Variants in ATM observed in about 807,000 individuals in gnomAD.
The protein encoded by ATM is ATM serine/threonine kinase.
Under a neutral mutation model 387.0 loss-of-function variants are expected in ATM, and 308 were observed. The ratio of observed to expected loss-of-function variants is 0.80; its 90% CI spans 0.73 to 0.87. The LOEUF (loss-of-function observed/expected upper bound fraction) is 0.87. Ranked by LOEUF, ATM falls within the 40% of genes least tolerant of loss-of-function variation. The probability of loss-of-function intolerance (pLI) is 0.00; values close to 1 mark genes in which losing one functional copy is unlikely to be tolerated. For missense variants in ATM, 3,312 were observed against 3,560.9 expected (o/e 0.93, Z 1.78); for synonymous variants, 1,156 against 1,187.3 (o/e 0.97, Z 0.54).
chr11:108,283,365 C>T (rs1376508507), intron 25 of ATM, among the ~76,000 whole-genome samples: 1 of 152,006 alleles, frequency 6.6e-6, no homozygotes, highest in Non-Finnish European at 1.5e-5. Flanking sequence ...AACTTTAACT[C>T]TGTAGAAGAA....
At position 108,268,602 on chromosome 11, in the gene ATM, T is replaced by G. The variant is rs565886680; in HGVS notation, c.2831T>G (p.Leu944Arg). Reference protein sequence around the residue: ...STLEPTKSLHLHMYLMLLKEL... With the variant: ...STLEPTKSLHRHMYLMLLKEL... ...CTAGAACCTACCAAATCCCTCCACCTGCATATGGTGAGTTACGTTAAATGA... is the reference window on the plus strand; with the variant it reads ...CTAGAACCTACCAAATCCCTCCACCGGCATATGGTGAGTTACGTTAAATGA... Residue 944 changes from leucine (L) to arginine (R), a missense_variant, in exon 18 of 63, where the codon CTG becomes CGG. Leu to Arg is a moderately radical substitution (Grantham distance 102). This residue lies in a region of ATM where 1,791 missense variants were observed against 1,804.5 expected (regional missense o/e 0.99). Transcript: ENST00000675843. 1.2e-6 allele frequency: 2 copies of G among 1,613,766 alleles called. No individual in the cohort carries two copies. Among genetic ancestry groups the G allele is most frequent in the African/African-American group, 2.7e-5 (2 of 75,058 alleles).
At chr11:108,295,608 A>C (rs996076917) in intron 32 of ATM, 1 of 154,288 alleles carries the variant, frequency 6.5e-6, no homozygotes, top group African/African-American at 2.4e-5. Context: ...AAGCATTGGG[A>C]TTAGAGGTGT....
chr11:108,359,902 C>G (rs1431642999), intron 61 of ATM, among the ~76,000 whole-genome samples: 1 of 152,024 alleles, frequency 6.6e-6, no homozygotes, highest in Non-Finnish European at 1.5e-5. Context: ...AAAGGAAGAG[C>G]AAACACATTC....
At chr11:108,350,271 G>A (rs2089022397) in intron 59 of ATM, among the ~76,000 whole-genome samples, 1 of 152,126 alleles carries the variant, frequency 6.6e-6, no homozygotes, top group Non-Finnish European at 1.5e-5. Flanking sequence ...GAGGGACAAG[G>A]GGACAAGGAG....
chr11:108,241,120 G>A (rs945813246), intron 5 of ATM, among the ~76,000 whole-genome samples: 3 of 152,128 alleles, frequency 2.0e-5, no homozygotes, highest in African/African-American at 7.2e-5. Context: ...GCCTACATAA[G>A]GTCAGGATCA....
At chr11:108,311,110 G>GCA (rs1179702719) in intron 39 of ATM, among the ~76,000 whole-genome samples, 1 of 152,026 alleles carries the variant, frequency 6.6e-6, no homozygotes, top group East Asian at 1.9e-4. Flanking sequence ...GGGACTATAG[G>GCA]CACACACCAC....
chr11:108,276,231 A>G (rs2081942125), intron 22 of ATM, among the ~76,000 whole-genome samples: 1 of 152,128 alleles, frequency 6.6e-6, no homozygotes, highest in African/African-American at 2.4e-5. Context: ...GTTCTTCTCT[A>G]CACTGATTAT....
At chr11:108,297,098 T>G (rs1393909628) in intron 32 of ATM, 189 bp from the exon 33 acceptor site, 1 of 577,654 alleles carries the variant, frequency 1.7e-6, no homozygotes, top group Non-Finnish European at 3.1e-6. Context: ...CTAATCACTT[T>G]CAAAAGAATC....
rs1342395364 is a variant in ATM, at chr11:108,353,922, C to A, written c.8786+42C>A. On this transcript the variant is annotated intron_variant, in intron 60 of 62. Transcript: ENST00000675843. ...AAAGGAGGGAAATAATTTTTGATGT[C>A]AAAATTACATGGGCTGGGCATGGTT... 1.9e-6 allele frequency: 3 copies of A among 1,538,954 alleles called. No homozygotes were observed. The South Asian group carries it at 3.4e-5, about 17-fold the overall frequency.
chr11:108,264,437 C>T (rs1335015008), intron 16 of ATM, among the ~76,000 whole-genome samples: 1 of 152,206 alleles, frequency 6.6e-6, no homozygotes, highest in Non-Finnish European at 1.5e-5. Context: ...AACAACCCTT[C>T]ATGCCAAAAA....
intron 56 of ATM, among the ~76,000 whole-genome samples, chr11:108,341,323 C>T (rs536955208): frequency 1.3e-5 from 2 of 152,152 alleles, no homozygotes; most frequent in South Asian, 2.1e-4. Context: ...GAAAGGCCTC[C>T]GACCATGTTG....
At chr11:108,286,354 CACAA>C (rs1204408925) in intron 26 of ATM, among the ~76,000 whole-genome samples, 17 of 132,026 alleles carry the variant, frequency 1.3e-4, no homozygotes, top group East Asian at 8.6e-4. Context: ...GTATAAAACA[CACAA>C]ACAAAGCAAG....
chr11:108,250,620 G>A (rs2080080926), intron 9 of ATM, 81 bp from the exon 10 acceptor site: 13 of 1,392,816 alleles, frequency 9.3e-6, no homozygotes, highest in Non-Finnish European at 1.3e-5. Context: ...GATATTGTAA[G>A]AGTACCATGT....
intron 26 of ATM, 25 bp from the exon 27 acceptor site, chr11:108,287,575 A>T (rs2082555478): frequency 2.1e-6 from 3 of 1,426,828 alleles, no homozygotes; most frequent in Non-Finnish European, 3.0e-6. Flanking sequence ...AATATTAAAT[A>T]TATTTTAATT....
intron 61 of ATM, among the ~76,000 whole-genome samples, chr11:108,359,173 C>G (rs2090404468): frequency 6.6e-6 from 1 of 150,986 alleles, no homozygotes; most frequent in Admixed American, 6.6e-5. Flanking sequence ...AGACTTTAAA[C>G]CAACAAAGAT....
At chr11:108,310,501 T>C (rs4988070) in intron 39 of ATM, among the ~76,000 whole-genome samples, 186 bp downstream of exon 39, 1,809 of 152,286 alleles carry the variant, frequency 0.012, 41 homozygotes, top group African/African-American at 0.041. Context: ...TCTGAAATAA[T>C]AGGAATGCTT....
At chr11:108,294,894 C>A (rs374703899) in intron 31 of ATM, 33 bp from the exon 32 acceptor site, 1 of 1,610,986 alleles carries the variant, frequency 6.2e-7, no homozygotes, top group Non-Finnish European at 8.5e-7. Flanking sequence ...TTAACCAATA[C>A]GTGTTAAAAG....
At position 108,356,104 on chromosome 11, in the gene ATM, T is replaced by C. The variant is rs1444019547; in HGVS notation, c.8850+1230T>C. ...TGTTGTCATTTGTTACAGTTTGCCA[T>C]TGGTTCTGCAGTAAGAATAAATGAT... is the stretch of plus-strand genomic sequence containing the variant. On this transcript the variant is annotated intron_variant, in intron 61 of 62. Coordinates refer to ENST00000675843, the MANE Select transcript of ATM (RefSeq NM_000051.4). 4 of 152,350 alleles carry C rather than the reference T, an allele frequency of 2.6e-5. No individual in the cohort carries two copies. The East Asian group carries it at 5.8e-4, about 22-fold the overall frequency. The allele number at this position is 152,350 out of a possible 1,614,324, so 9.4% of individuals were successfully genotyped here. A position where few individuals can be genotyped will look rare whatever the true frequency, so the allele number is the denominator to read the frequency against.
intron 57 of ATM, among the ~76,000 whole-genome samples, chr11:108,343,983 A>T (rs1484243157): frequency 6.6e-6 from 1 of 152,178 alleles, no homozygotes; most frequent in Non-Finnish European, 1.5e-5. Context: ...AATATCAAAT[A>T]TTACGACTAA....
Sources: allele counts gnomAD v4.1 joint callset (sites outside exome capture counted in the v4.1 genomes callset), GRCh38; gene constraint gnomAD v4.1.1; regional missense constraint gnomAD v4.1.1; transcripts MANE v1.5; gene names NCBI Gene and HGNC (gene_info 2026-07-23, HGNC 2026-07-21).